AADACL2: variants seen among roughly 807,000 people sequenced by gnomAD.
AADACL2 encodes the protein arylacetamide deacetylase-like 2.
Under a neutral mutation model 22.3 loss-of-function variants are expected in AADACL2, and 23 were observed. That is an observed-to-expected ratio of 1.03 (90% CI 0.74 to 1.46). The LOEUF is 1.46. Ranked by LOEUF, AADACL2 falls within the 40% of genes most tolerant of loss-of-function variation. The pLI is 0.00. For missense variants in AADACL2, 472 were observed against 482.9 expected (o/e 0.98, Z 0.21); for synonymous variants, 177 against 166.2 (o/e 1.07, Z -0.50).
intron 1 of AADACL2, among the ~76,000 whole-genome samples, chr3:151,737,368 G>GT (rs1427276087): frequency 6.6e-6 from 1 of 151,672 alleles, no homozygotes; most frequent in African/African-American, 2.4e-5. Context: ...TCTGAGGAGT[G>GT]TTTTTTCTTC....
chr3:151,745,156 C>CGTTTTTTTTTTT (rs1560283259), intron 3 of AADACL2, among the ~76,000 whole-genome samples: 1 of 151,858 alleles, frequency 6.6e-6, no homozygotes, highest in African/African-American at 2.4e-5. Context: ...TTTAAACAAG[C>CGTTTTTTTTTTT]ATTTTTAAAA....
chr3:151,736,031 T>G (rs1713074985), intron 1 of AADACL2, among the ~76,000 whole-genome samples: 1 of 151,876 alleles, frequency 6.6e-6, no homozygotes, highest in Admixed American at 6.6e-5. Context: ...TGCCCTAATC[T>G]TTTTGGAGTT....
rs1047750819 is a variant in AADACL2 at position 151,760,620 on chromosome 3, A to G, written c.*3026A>G. The G allele has an allele frequency of 6.6e-6, 1 of 152,290 alleles. No individual in the cohort carries two copies. Among genetic ancestry groups the G allele is most frequent in the Non-Finnish European group, 1.5e-5 (1 of 68,024 alleles). The allele number at this position is 152,290 out of a possible 1,614,324, so 9.4% of individuals were successfully genotyped here. A position where few individuals can be genotyped will look rare whatever the true frequency, so the allele number is the denominator to read the frequency against. Reference sequence around the variant, plus strand: ...AACATGTAAAGAAGTAACAATTTCCAAAATACCTCCAAACAGCGCCACATC... The same window carrying G: ...AACATGTAAAGAAGTAACAATTTCCGAAATACCTCCAAACAGCGCCACATC... On this transcript the variant is annotated 3_prime_UTR_variant, in exon 5 of 5. Transcript: ENST00000356517.
At chr3:151,735,729 G>A (rs1023818101) in intron 1 of AADACL2, among the ~76,000 whole-genome samples, 5 of 152,178 alleles carry the variant, frequency 3.3e-5, no homozygotes, top group Non-Finnish European at 5.9e-5. Context: ...TTGCACTCTA[G>A]CCTGGATGAC....
chr3:151,754,008 T>C (rs113919959), intron 4 of AADACL2, among the ~76,000 whole-genome samples: 2 of 152,250 alleles, frequency 1.3e-5, no homozygotes, highest in African/African-American at 4.8e-5. Context: ...CCTCAGACTG[T>C]CTGGAGTTGA....
chr3:151,754,308 A>C (rs138115854), intron 4 of AADACL2, among the ~76,000 whole-genome samples: 5 of 152,288 alleles, frequency 3.3e-5, no homozygotes, highest in African/African-American at 1.2e-4. Context: ...TGCTCTCAAA[A>C]GTATAAACTT....
At chr3:151,750,676 C>T (rs993723664) in intron 4 of AADACL2, among the ~76,000 whole-genome samples, 1 of 152,040 alleles carries the variant, frequency 6.6e-6, no homozygotes, top group Non-Finnish European at 1.5e-5. Context: ...AGGTGCCTCT[C>T]TATTTATTTT....
At chr3:151,743,977 G>T in intron 2 of AADACL2, 116 bp from the exon 3 acceptor site, 1 of 1,038,278 alleles carries the variant, frequency 9.6e-7, no homozygotes, top group East Asian at 2.6e-5. Flanking sequence ...ATGGGGGGTG[G>T]AAATAAAAGC....
chr3:151,738,069 T>C (rs1198606397), intron 1 of AADACL2, among the ~76,000 whole-genome samples: 1 of 152,172 alleles, frequency 6.6e-6, no homozygotes, highest in Non-Finnish European at 1.5e-5. Context: ...TATATTTTGG[T>C]GTGTTTTTTC....
At chr3:151,756,919 T>C (rs1367189721) in intron 4 of AADACL2, 73 bp from the exon 5 acceptor site, 3 of 1,425,772 alleles carry the variant, frequency 2.1e-6, no homozygotes, top group South Asian at 1.5e-5. Context: ...TTATGACTGC[T>C]AGATAATTAA....
intron 1 of AADACL2, among the ~76,000 whole-genome samples, chr3:151,735,224 A>G (rs1263337661): frequency 5.3e-5 from 8 of 152,202 alleles, no homozygotes; most frequent in Non-Finnish European, 1.0e-4. Context: ...AGAAAATACT[A>G]TGCTCCCTTT....
At position 151,744,148 on chromosome 3, in the gene AADACL2, T is replaced by C. The variant is rs1713365054; in HGVS notation, c.417T>C (p.Val139=). Residue 139 remains valine (V), a synonymous_variant, in exon 3 of 5, where the codon GTT becomes GTC. Transcript: ENST00000356517. ...NRWTANTLDA[V]VVGVDYRLAP... is the part of the protein sequence containing the mutation. ...GGACGGCAAACACGCTTGATGCTGT[T>C]GTTGTAGGCGTGGAGTAAGAATGAT... is the stretch of plus-strand genomic sequence containing the variant. The C allele has an allele frequency of 6.2e-7, 1 of 1,613,608 alleles. No individual in the cohort carries two copies. Among genetic ancestry groups the C allele is most frequent in the African/African-American group, 1.3e-5 (1 of 74,912 alleles).
chr3:151,740,964 A>C lies in AADACL2; in HGVS notation c.361+96A>C. The C allele has an allele frequency of 6.4e-6, 6 of 939,726 alleles. 1 individual carries two copies. In the South Asian group the frequency reaches 1.0e-4, roughly 16 times the overall value. The allele number at this position is 939,726 out of a possible 1,614,324, so 58.2% of individuals were successfully genotyped here. On this transcript the variant is annotated intron_variant, in intron 2 of 4. Transcript: ENST00000356517. ...TATACACACTTATACTGATACATACATCTATATATATACTTGTCTGGATAT... is the reference window on the plus strand; with the variant it reads ...TATACACACTTATACTGATACATACCTCTATATATATACTTGTCTGGATAT...
intron 4 of AADACL2, 122 bp downstream of exon 4, chr3:151,745,802 A>C: frequency 1.0e-6 from 1 of 994,156 alleles, no homozygotes. Context: ...GAATTACAGT[A>C]GCACTTGAGT....
chr3:151,750,799 A>T (rs1033744928), intron 4 of AADACL2, among the ~76,000 whole-genome samples: 1 of 152,218 alleles, frequency 6.6e-6, no homozygotes, highest in African/African-American at 2.4e-5. Context: ...CGTTATACAT[A>T]CATAAGTATA....
chr3:151,750,027 G>A (rs1295482516), intron 4 of AADACL2, among the ~76,000 whole-genome samples: 3 of 152,234 alleles, frequency 2.0e-5, no homozygotes, highest in Admixed American at 6.5e-5. Context: ...CATATAATTT[G>A]TTGAGAGTTT....
At chr3:151,754,368 A>G (rs1713796419) in intron 4 of AADACL2, among the ~76,000 whole-genome samples, 1 of 152,144 alleles carries the variant, frequency 6.6e-6, no homozygotes, top group Admixed American at 6.6e-5. Context: ...CTTGATGACA[A>G]TAATACCAGT....
intron 1 of AADACL2, among the ~76,000 whole-genome samples, chr3:151,739,615 C>A (rs1173349473): frequency 6.6e-6 from 1 of 152,238 alleles, no homozygotes; most frequent in African/African-American, 2.4e-5. Context: ...GCACCCACAG[C>A]TTCCCCTTCC....
chr3:151,742,241 CTTTG>C (rs1371474827), intron 2 of AADACL2, among the ~76,000 whole-genome samples: 1 of 151,418 alleles, frequency 6.6e-6, no homozygotes, highest in Non-Finnish European at 1.5e-5. Context: ...CTTTTGTGAT[CTTTG>C]TTTTTCAACA....
Sources: gnomAD v4.1 joint callset for allele counts (sites outside exome capture counted in the v4.1 genomes callset) on GRCh38, gnomAD v4.1.1 for gene constraint, MANE v1.5 for transcripts, NCBI Gene and HGNC (gene_info 2026-07-23, HGNC 2026-07-21) for gene names.